The following HS6ST3 variants were observed in gnomAD, a reference collection of about 807,000 sequenced individuals.
HS6ST3 encodes heparan-sulfate 6-O-sulfotransferase 3.
A neutral mutation model predicts 36.7 loss-of-function variants in HS6ST3; 12 were observed. The ratio of observed to expected loss-of-function variants is 0.33; its 90% CI spans 0.21 to 0.53. The LOEUF (loss-of-function observed/expected upper bound fraction) is 0.53. Among genes scored for constraint, HS6ST3 ranks in the 20% least tolerant of loss-of-function variants. The pLI is 0.95. For synonymous variants in HS6ST3, 240 were observed against 257.5 expected (o/e 0.93, Z 0.65); for missense variants, 584 against 640.9 (o/e 0.91, Z 0.96).
At chr13:96,547,812 G>T (rs1045034396) in intron 1 of HS6ST3, among the ~76,000 whole-genome samples, 1 of 152,028 alleles carries the variant, frequency 6.6e-6, no homozygotes, top group African/African-American at 2.4e-5. Flanking sequence ...AGCATTGCTT[G>T]GTCTGTAGTT....
intron 1 of HS6ST3, among the ~76,000 whole-genome samples, chr13:96,616,766 G>T (rs1205224850): frequency 5.3e-5 from 8 of 152,048 alleles, no homozygotes; most frequent in Admixed American, 1.3e-4. Context: ...CTTTCTTCAG[G>T]TAAAGTAGAC....
intron 1 of HS6ST3, among the ~76,000 whole-genome samples, chr13:96,526,199 TG>T (rs2056113524): frequency 2.0e-5 from 3 of 152,090 alleles, no homozygotes; most frequent in Non-Finnish European, 2.9e-5. Flanking sequence ...AAGATGAAGG[TG>T]GGTAAAGATC....
intron 1 of HS6ST3, among the ~76,000 whole-genome samples, chr13:96,696,103 G>T (rs1471704823): frequency 6.6e-6 from 1 of 152,170 alleles, no homozygotes; most frequent in East Asian, 1.9e-4. Context: ...TATGTATTAA[G>T]AAATGTATTT....
chr13:96,720,691 G>A (rs927199649), intron 1 of HS6ST3, among the ~76,000 whole-genome samples: 28 of 152,120 alleles, frequency 1.8e-4, no homozygotes, highest in African/African-American at 6.5e-4. Context: ...CATGTACTGC[G>A]AAAGGAAATT....
chr13:96,280,469 GT>G (rs1348493567), intron 1 of HS6ST3, among the ~76,000 whole-genome samples: 2 of 152,154 alleles, frequency 1.3e-5, no homozygotes, highest in Admixed American at 6.6e-5. Context: ...GAGGGACCCA[GT>G]GTAGAGAAAG....
At chr13:96,363,316 G>A (rs2055247921) in intron 1 of HS6ST3, among the ~76,000 whole-genome samples, 1 of 150,116 alleles carries the variant, frequency 6.7e-6, no homozygotes, top group Admixed American at 6.6e-5. Flanking sequence ...AACATTCTGT[G>A]AGTCTATAGT....
At chr13:96,810,861 G>C (rs1878302816) in intron 1 of HS6ST3, among the ~76,000 whole-genome samples, 1 of 152,092 alleles carries the variant, frequency 6.6e-6, no homozygotes, top group Non-Finnish European at 1.5e-5. Context: ...AAGACTTTAG[G>C]CAATTTTTCT....
chr13:96,173,968 T>C (rs1313011771), intron 1 of HS6ST3, among the ~76,000 whole-genome samples: 1 of 152,148 alleles, frequency 6.6e-6, no homozygotes, highest in Non-Finnish European at 1.5e-5. Context: ...ACCATACTTG[T>C]CACACTGTGT....
At chr13:96,654,611 G>A (rs540456588) in intron 1 of HS6ST3, among the ~76,000 whole-genome samples, 1 of 152,198 alleles carries the variant, frequency 6.6e-6, no homozygotes, top group East Asian at 1.9e-4. Context: ...TGTTACTGCA[G>A]CCTTGTAGTA....
rs573658885 is a variant in HS6ST3 at position 96,147,356 on chromosome 13, C to T, written c.707+55787C>T. Among the ~76,000 whole-genome samples, 5 of 152,264 alleles carry T rather than the reference C, an allele frequency of 3.3e-5. No individual in the cohort carries two copies. In the East Asian group the frequency reaches 9.7e-4, roughly 29 times the overall value. ...TCATTAACTGTCTCTTACAGAGGTT[C>T]CCTGGTTTTGGTTGTCACGATAAGA... On this transcript the variant is annotated intron_variant, in intron 1 of 1. Coordinates refer to ENST00000376705, the MANE Select transcript of HS6ST3 (RefSeq NM_153456.4).
intron 1 of HS6ST3, among the ~76,000 whole-genome samples, chr13:96,402,770 T>A (rs559172565): frequency 3.9e-5 from 6 of 152,360 alleles, no homozygotes; most frequent in Admixed American, 2.6e-4. Flanking sequence ...CATTGCTGAG[T>A]GGTGTTCCAT....
At chr13:96,488,000 T>G (rs1180659588) in intron 1 of HS6ST3, among the ~76,000 whole-genome samples, 1 of 152,164 alleles carries the variant, frequency 6.6e-6, no homozygotes, top group African/African-American at 2.4e-5. Flanking sequence ...TAACTCAAGT[T>G]TACTTGTCAG....
At chr13:96,320,485 T>C (rs2054997813) in intron 1 of HS6ST3, among the ~76,000 whole-genome samples, 2 of 152,334 alleles carry the variant, frequency 1.3e-5, no homozygotes, top group South Asian at 4.1e-4. Context: ...GTTATTGAAA[T>C]AGACTGTGCC....
chr13:96,203,156 C>T (rs762082385), intron 1 of HS6ST3, among the ~76,000 whole-genome samples: 6 of 152,192 alleles, frequency 3.9e-5, no homozygotes, highest in African/African-American at 1.4e-4. Context: ...GGCCCTACTC[C>T]GTTTGCGCTG....
intron 1 of HS6ST3, among the ~76,000 whole-genome samples, chr13:96,233,028 C>A (rs1271051929): frequency 1.3e-5 from 2 of 152,124 alleles, no homozygotes; most frequent in African/African-American, 4.8e-5. Context: ...ACATGTTAAG[C>A]ATTCTTTTTG....
intron 1 of HS6ST3, among the ~76,000 whole-genome samples, chr13:96,234,103 A>G (rs1368677642): frequency 2.0e-5 from 3 of 150,704 alleles, no homozygotes; most frequent in Non-Finnish European, 4.4e-5. Flanking sequence ...CATCTGTTAA[A>G]AAAAAAAAAA....
At chr13:96,220,581 T>C (rs1384046628) in intron 1 of HS6ST3, among the ~76,000 whole-genome samples, 5 of 152,218 alleles carry the variant, frequency 3.3e-5, no homozygotes, top group Non-Finnish European at 7.3e-5. Context: ...ATCTGTTTCA[T>C]GTGGACACTG....
At chr13:96,448,127 A>G (rs1393480828) in intron 1 of HS6ST3, among the ~76,000 whole-genome samples, 1 of 152,186 alleles carries the variant, frequency 6.6e-6, no homozygotes, top group African/African-American at 2.4e-5. Context: ...CCCTTCTCAA[A>G]TCTTCTTATC....
At chr13:96,105,000 T>TACAGGGCAAATAATGTAATTATTTGC (rs575664869) in intron 1 of HS6ST3, among the ~76,000 whole-genome samples, 14 of 147,996 alleles carry the variant, frequency 9.5e-5, no homozygotes, top group East Asian at 2.0e-4. Context: ...CACAATAATG[T>TACAGGGCAAATAATGTAATTATTTGC]ACAGGGCAAA....
Sources: gnomAD v4.1 joint callset for allele counts (sites outside exome capture counted in the v4.1 genomes callset) on GRCh38, gnomAD v4.1.1 for gene constraint, MANE v1.5 for transcripts, NCBI Gene and HGNC (gene_info 2026-07-23, HGNC 2026-07-21) for gene names.